Variants in MSH3 observed in about 807,000 individuals in gnomAD.
MSH3 encodes the protein mutS homolog 3.
In MSH3, 106 loss-of-function variants were observed where a neutral mutation model predicts 123.3. The ratio of observed to expected loss-of-function variants is 0.86; its 90% CI spans 0.73 to 1.01. The LOEUF is 1.01. Among genes scored for constraint, MSH3 ranks in the 50% least tolerant of loss-of-function variants. The probability of loss-of-function intolerance (pLI) is 0.00; values close to 1 mark genes in which losing one functional copy is unlikely to be tolerated. For missense variants in MSH3, 1,459 were observed against 1,347.6 expected (o/e 1.08, Z -1.29); for synonymous variants, 515 against 481.4 (o/e 1.07, Z -0.91).
Position 80,670,278 on chromosome 5 carries a change from A to G in MSH3, c.761A>G (p.Tyr254Cys), listed in dbSNP as rs1580550385. The G allele has an allele frequency of 3.7e-6, 6 of 1,614,166 alleles. No homozygotes were observed. The highest frequency in any genetic ancestry group is 4.2e-6 in the Non-Finnish European group (5 of 1,180,022). The change falls in exon 4 of 24, where the codon TAT (tyrosine) becomes TGT (cysteine). Residue 254 changes from tyrosine to cysteine, a missense_variant. Transcript: ENST00000265081. Reference protein sequence around the residue: ...KDAVLCVECGYKYRFFGEDAE... With the variant: ...KDAVLCVECGCKYRFFGEDAE... The stretch of plus-strand genomic sequence containing the variant: ...GCAGTTTTGTGTGTGGAATGTGGAT[A>G]TAAGTATAGATTCTTTGGGGAAGAT...
At chr5:80,757,417 A>G (rs1743945455) in intron 12 of MSH3, among the ~76,000 whole-genome samples, 1 of 152,114 alleles carries the variant, frequency 6.6e-6, no homozygotes, top group Non-Finnish European at 1.5e-5. Flanking sequence ...ATCACTGACA[A>G]TAGCTATAGG....
intron 8 of MSH3, among the ~76,000 whole-genome samples, chr5:80,711,350 A>T (rs1344372078): frequency 6.6e-6 from 1 of 152,148 alleles, no homozygotes; most frequent in Non-Finnish European, 1.5e-5. Context: ...CGTGGGCCCT[A>T]CATCTGCTTT....
intron 15 of MSH3, among the ~76,000 whole-genome samples, chr5:80,774,639 A>T (rs1744268734): frequency 6.6e-6 from 1 of 152,204 alleles, no homozygotes; most frequent in Non-Finnish European, 1.5e-5. Context: ...ATAAAAAAGA[A>T]TGAGATCCTG....
intron 9 of MSH3, among the ~76,000 whole-genome samples, chr5:80,726,167 G>C (rs1743299801): frequency 6.6e-6 from 1 of 152,098 alleles, no homozygotes; most frequent in South Asian, 2.1e-4. Context: ...ACTTTCATTT[G>C]TACCTCACAT....
chr5:80,729,926 T>C (rs1743381811), intron 10 of MSH3, among the ~76,000 whole-genome samples: 2 of 152,048 alleles, frequency 1.3e-5, no homozygotes, highest in African/African-American at 4.8e-5. Flanking sequence ...GGGAGATAGG[T>C]GCTATCTCAG....
chr5:80,844,385 G>A (rs538425890), intron 20 of MSH3, among the ~76,000 whole-genome samples: 67 of 152,214 alleles, frequency 4.4e-4, no homozygotes, highest in Non-Finnish European at 5.9e-4. Flanking sequence ...GTTGATTTGG[G>A]GTGTGGAGTT....
At chr5:80,696,827 A>G (rs780107228) in intron 8 of MSH3, among the ~76,000 whole-genome samples, 10 of 152,230 alleles carry the variant, frequency 6.6e-5, no homozygotes, top group Non-Finnish European at 7.3e-5. Context: ...ATTTGGACTT[A>G]GATTATATTG....
chr5:80,844,712 G>A (rs2112095272), intron 20 of MSH3, among the ~76,000 whole-genome samples: 1 of 133,186 alleles, frequency 7.5e-6, no homozygotes, highest in South Asian at 2.8e-4. Flanking sequence ...TCAGAGACTA[G>A]GATTGCAACC....
rs923971362 is a variant in MSH3, at chr5:80,782,331, A to G, written c.2435+3495A>G. ...TTCAAGGAATGAAAAGGATGGTAGC[A>G]TCTATACTGAACACATACAGGCTTT... On this transcript the variant is annotated intron_variant, in intron 17 of 23. Coordinates refer to ENST00000265081, the MANE Select transcript of MSH3 (RefSeq NM_002439.5). 2.8e-5 allele frequency among the ~76,000 whole-genome samples: 4 copies of G among 144,190 alleles called. No individual in the cohort carries two copies. In the East Asian group the frequency reaches 6.4e-4, roughly 23 times the overall value. The allele number at this position is 144,190 out of a possible 152,430, so 94.6% of individuals were successfully genotyped here. A position where few individuals can be genotyped will look rare whatever the true frequency, so the allele number is the denominator to read the frequency against.
intron 8 of MSH3, among the ~76,000 whole-genome samples, chr5:80,719,713 A>G (rs1425416421): frequency 1.3e-5 from 2 of 152,246 alleles, no homozygotes; most frequent in African/African-American, 4.8e-5. Context: ...GCATATAGCC[A>G]TTAGGTACTA....
intron 12 of MSH3, among the ~76,000 whole-genome samples, chr5:80,753,793 C>T (rs1032477501): frequency 6.6e-6 from 1 of 152,124 alleles, no homozygotes; most frequent in East Asian, 1.9e-4. Context: ...CAGTTTTAAA[C>T]GTGTAGCTTC....
chr5:80,826,916 T>C (rs1385762731), intron 20 of MSH3, among the ~76,000 whole-genome samples: 1 of 152,220 alleles, frequency 6.6e-6, no homozygotes, highest in Non-Finnish European at 1.5e-5. Flanking sequence ...GCAGATTTTT[T>C]TAAAAAGTAG....
Position 80,670,815 on chromosome 5 carries a change from T to G in MSH3, c.792+506T>G, listed in dbSNP as rs146959684. Among the ~76,000 whole-genome samples, 650 of 152,276 alleles carry G rather than the reference T, an allele frequency of 4.3e-3. 3 individuals are homozygous for G. The highest frequency in any genetic ancestry group is 0.015 in the African/African-American group (615 of 41,554). On this transcript the variant is annotated intron_variant, in intron 4 of 23. Coordinates refer to ENST00000265081, the MANE Select transcript of MSH3 (RefSeq NM_002439.5). ...TCTCTTTGGGTGTCAGTCAACTTGG[T>G]GTCTTAGTCTAAATTGGGATTGTGC...
At chr5:80,801,575 G>T (rs1351471046) in intron 19 of MSH3, among the ~76,000 whole-genome samples, 3 of 152,172 alleles carry the variant, frequency 2.0e-5, no homozygotes, top group Non-Finnish European at 2.9e-5. Context: ...GGTGGTGGGG[G>T]CTGGAAAAAA....
At chr5:80,668,088 A>T (rs1156525144) in intron 3 of MSH3, among the ~76,000 whole-genome samples, 2 of 152,174 alleles carry the variant, frequency 1.3e-5, no homozygotes, top group Non-Finnish European at 2.9e-5. Flanking sequence ...CAGGCAGGGC[A>T]TCCCATCAAG....
chr5:80,751,444 G>T (rs752293843), intron 12 of MSH3, among the ~76,000 whole-genome samples: 2 of 152,112 alleles, frequency 1.3e-5, no homozygotes, highest in Admixed American at 1.3e-4. Flanking sequence ...GATAAATTTT[G>T]CTGGGAAAAC....
Position 80,757,600 on chromosome 5 carries a change from T to G in MSH3, c.1764-3946T>G, listed in dbSNP as rs1037220779. Among the ~76,000 whole-genome samples the G allele has an allele frequency of 2.6e-5, 4 of 152,278 alleles. No individual in the cohort carries two copies. In the East Asian group the frequency reaches 7.7e-4, roughly 29 times the overall value. On this transcript the variant is annotated intron_variant, in intron 12 of 23. Transcript: ENST00000265081. ...ACCTCTTCTTTTTGTTTGTTTGGTATATGGAATGAAATGACTCAGGTGCCT... is the reference window on the plus strand; with the variant it reads ...ACCTCTTCTTTTTGTTTGTTTGGTAGATGGAATGAAATGACTCAGGTGCCT...
chr5:80,707,976 C>G (rs1750760167), intron 8 of MSH3, among the ~76,000 whole-genome samples: 1 of 152,082 alleles, frequency 6.6e-6, no homozygotes, highest in Non-Finnish European at 1.5e-5. Flanking sequence ...CTCTTTTGCC[C>G]ATTTTGAGAC....
chr5:80,672,422 C>A, intron 5 of MSH3, 62 bp downstream of exon 5: 1 of 1,268,724 alleles, frequency 7.9e-7, no homozygotes, highest in Non-Finnish European at 1.2e-6. Context: ...AGAGTGCAAA[C>A]GTGTTTTGTA....
Sources: gnomAD v4.1 joint callset for allele counts (sites outside exome capture counted in the v4.1 genomes callset) on GRCh38, gnomAD v4.1.1 for gene constraint, MANE v1.5 for transcripts, NCBI Gene and HGNC (gene_info 2026-07-23, HGNC 2026-07-21) for gene names.